Variants in SBF2 observed in about 807,000 individuals in gnomAD.
SBF2 encodes SET binding factor 2, also known as myotubularin-related protein 13.
Under a neutral mutation model 225.2 loss-of-function variants are expected in SBF2, and 112 were observed. The observed-to-expected ratio is 0.50, with a 90% CI of 0.43 to 0.58. The LOEUF (loss-of-function observed/expected upper bound fraction) is 0.58. SBF2 is among the 20% of genes least tolerant of loss of function. The pLI, the probability that SBF2 is intolerant of heterozygous loss-of-function variation, is 0.00. For synonymous variants in SBF2, 763 were observed against 773.3 expected, an observed-to-expected ratio of 0.99 and a Z score of 0.22; for missense variants, 1,996 against 2,206.2, an observed-to-expected ratio of 0.90 and a Z score of 1.91.
At chr11:10,244,977 C>T (rs570239252) in intron 1 of SBF2, among the ~76,000 whole-genome samples, 1 of 151,040 alleles carries the variant, frequency 6.6e-6, no homozygotes, top group South Asian at 2.1e-4. Context: ...TCTACAAACA[C>T]AAAAAAATTA....
intron 16 of SBF2, among the ~76,000 whole-genome samples, chr11:9,922,430 T>C (rs1863705294): frequency 1.3e-5 from 2 of 152,306 alleles, no homozygotes; most frequent in South Asian, 2.1e-4. Context: ...TAGTTTAAAC[T>C]ATGACTATAA....
At chr11:9,882,800 A>C (rs1859924297) in intron 17 of SBF2, among the ~76,000 whole-genome samples, 1 of 82,666 alleles carries the variant, frequency 1.2e-5, no homozygotes, top group African/African-American at 8.2e-5. Flanking sequence ...AGAGTCAAAA[A>C]AAAAAAAAAA....
intron 1 of SBF2, among the ~76,000 whole-genome samples, chr11:10,195,097 G>A (rs1957311020): frequency 6.6e-6 from 1 of 152,154 alleles, no homozygotes; most frequent in Admixed American, 6.6e-5. Context: ...TTTAGGCAGG[G>A]TTTCCCAACA....
At chr11:9,887,174 C>CA (rs1183665225) in intron 17 of SBF2, among the ~76,000 whole-genome samples, 6 of 150,408 alleles carry the variant, frequency 4.0e-5, no homozygotes, top group African/African-American at 1.5e-4. Context: ...AATTATCATT[C>CA]AAAAAAAGTT....
intron 2 of SBF2, among the ~76,000 whole-genome samples, chr11:10,063,229 A>C (rs1422016974): frequency 6.6e-6 from 1 of 152,034 alleles, no homozygotes; most frequent in African/African-American, 2.4e-5. Context: ...TACTTGGCTT[A>C]ATAACTTGGT....
chr11:10,289,158 G>A (rs529170168), intron 1 of SBF2, among the ~76,000 whole-genome samples: 45 of 152,248 alleles, frequency 3.0e-4, no homozygotes, highest in Non-Finnish European at 5.6e-4. Flanking sequence ...ACAGCACCCT[G>A]GCTTGGCCCC....
intron 16 of SBF2, among the ~76,000 whole-genome samples, chr11:9,943,165 G>A (rs1865383419): frequency 6.6e-6 from 1 of 152,032 alleles, no homozygotes; most frequent in Admixed American, 6.5e-5. Context: ...ATTCTTCTGG[G>A]GCAATTGGTT....
At chr11:10,293,207 C>T (rs1343494169) in intron 1 of SBF2, among the ~76,000 whole-genome samples, 6 of 69,634 alleles carry the variant, frequency 8.6e-5, no homozygotes, top group Non-Finnish European at 2.9e-4. Context: ...CAGAAATAAA[C>T]GTGCATGAAC....
intron 1 of SBF2, among the ~76,000 whole-genome samples, chr11:10,250,647 T>C (rs1960250277): frequency 2.0e-5 from 3 of 152,208 alleles, no homozygotes; most frequent in Admixed American, 1.3e-4. Flanking sequence ...TATGTTATAA[T>C]AGTTAATTAT....
chr11:10,240,272 A>C (rs1375989151), intron 1 of SBF2, among the ~76,000 whole-genome samples: 2 of 151,134 alleles, frequency 1.3e-5, no homozygotes, highest in South Asian at 2.1e-4. Flanking sequence ...AAAAAAAAAA[A>C]AAACAGGATA....
chr11:9,795,998 G>A (rs1026080422), intron 32 of SBF2, 41 bp from the exon 33 acceptor site: 5 of 1,605,732 alleles, frequency 3.1e-6, no homozygotes, highest in Non-Finnish European at 4.2e-6. Context: ...GAATCAAACA[G>A]AACAAAAAGT....
At chr11:10,009,279 T>G (rs916978444) in intron 6 of SBF2, among the ~76,000 whole-genome samples, 2 of 152,320 alleles carry the variant, frequency 1.3e-5, no homozygotes, top group African/African-American at 2.4e-5. Context: ...TTTATTATAC[T>G]TTAAGTTCTG....
intron 17 of SBF2, among the ~76,000 whole-genome samples, chr11:9,886,816 G>A (rs116956220): frequency 0.021 from 3,222 of 151,060 alleles, 57 homozygotes; most frequent in Non-Finnish European, 0.031. Flanking sequence ...CACAATTTTT[G>A]GGGGCTGTTC....
chr11:10,001,528 AT>A (rs1316237736), intron 7 of SBF2, among the ~76,000 whole-genome samples: 141 of 146,456 alleles, frequency 9.6e-4, no homozygotes, highest in Non-Finnish European at 9.1e-4. Flanking sequence ...TTAAAAATAA[AT>A]TTTTTTTTTT....
At chr11:10,282,722 A>T (rs1565433365) in intron 1 of SBF2, among the ~76,000 whole-genome samples, 1 of 152,164 alleles carries the variant, frequency 6.6e-6, no homozygotes, top group Non-Finnish European at 1.5e-5. Flanking sequence ...GCTTTCTCAT[A>T]CTGGTCTTTC....
At chr11:10,180,546 A>G (rs1333550869) in intron 2 of SBF2, among the ~76,000 whole-genome samples, 1 of 152,066 alleles carries the variant, frequency 6.6e-6, no homozygotes, top group Admixed American at 6.6e-5. Flanking sequence ...ATGTCTTGAT[A>G]TATTCTTCTT....
At chr11:9,974,082 G>A (rs1407688517) in intron 13 of SBF2, among the ~76,000 whole-genome samples, 2 of 152,094 alleles carry the variant, frequency 1.3e-5, no homozygotes, top group African/African-American at 2.4e-5. Flanking sequence ...GAGTTGCCTG[G>A]TAGTGTACAT....
chr11:9,989,680 C>A, intron 12 of SBF2, 85 bp from the exon 13 acceptor site: 1 of 808,954 alleles, frequency 1.2e-6, no homozygotes, highest in South Asian at 1.6e-5. Flanking sequence ...AATTTGCAAG[C>A]CAAAAAAATC....
intron 7 of SBF2, among the ~76,000 whole-genome samples, chr11:10,002,098 G>A (rs966527763): frequency 5.3e-5 from 8 of 152,006 alleles, no homozygotes; most frequent in East Asian, 1.9e-4. Context: ...ACCAGTGCAC[G>A]GCTACATATA....
Sources: allele counts gnomAD v4.1 joint callset (sites outside exome capture counted in the v4.1 genomes callset), GRCh38; gene constraint gnomAD v4.1.1; transcripts MANE v1.5; gene names NCBI Gene and HGNC (gene_info 2026-07-23, HGNC 2026-07-21).